The following ENPP6 variants were observed in gnomAD, a reference collection of about 807,000 sequenced individuals.
The protein encoded by ENPP6 is ectonucleotide pyrophosphatase/phosphodiesterase 6, also known as glycerophosphocholine cholinephosphodiesterase ENPP6.
Under a neutral mutation model 42.0 loss-of-function variants are expected in ENPP6, and 32 were observed. The observed-to-expected ratio is 0.76, with a 90% CI of 0.58 to 1.02. The LOEUF is 1.02. ENPP6 is among the 50% of genes least tolerant of loss of function. The probability of loss-of-function intolerance (pLI) is 0.00; values close to 1 mark genes in which losing one functional copy is unlikely to be tolerated. For synonymous variants in ENPP6, 213 were observed against 216.0 expected (o/e 0.99, Z 0.12); for missense variants, 552 against 566.8 (o/e 0.97, Z 0.27).
intron 1 of ENPP6, among the ~76,000 whole-genome samples, chr4:184,197,048 T>C (rs1431232712): frequency 6.6e-6 from 1 of 152,252 alleles, no homozygotes; most frequent in Non-Finnish European, 1.5e-5. Flanking sequence ...TTATAATACA[T>C]GTTGACACAG....
intron 1 of ENPP6, among the ~76,000 whole-genome samples, chr4:184,179,289 A>T (rs1732500991): frequency 6.6e-6 from 1 of 152,236 alleles, no homozygotes; most frequent in African/African-American, 2.4e-5. Flanking sequence ...GGGGCATTAT[A>T]TAATGGTAAA....
chr4:184,173,187 G>A (rs1344594610), intron 1 of ENPP6, among the ~76,000 whole-genome samples: 2 of 152,024 alleles, frequency 1.3e-5, no homozygotes, highest in African/African-American at 4.8e-5. Context: ...TTACAGGCAT[G>A]GACCACCGCG....
intron 5 of ENPP6, among the ~76,000 whole-genome samples, chr4:184,113,102 T>C (rs1736231033): frequency 6.6e-6 from 1 of 152,158 alleles, no homozygotes; most frequent in Non-Finnish European, 1.5e-5. Context: ...GAATGAACCC[T>C]GCAAACTGGA....
intron 6 of ENPP6, among the ~76,000 whole-genome samples, chr4:184,103,209 A>G (rs1736034498): frequency 6.6e-6 from 1 of 152,222 alleles, no homozygotes; most frequent in Non-Finnish European, 1.5e-5. Flanking sequence ...GCCGGCGCCC[A>G]TGGGATGCTG....
chr4:184,101,426 G>A (rs933544471), intron 6 of ENPP6, among the ~76,000 whole-genome samples: 16 of 151,726 alleles, frequency 1.1e-4, no homozygotes, highest in African/African-American at 3.9e-4. Context: ...AAAGAGGGTG[G>A]GGTCGCTCCA....
At chr4:184,112,947 A>G in intron 5 of ENPP6, 138 bp from the exon 6 acceptor site, 1 of 1,019,482 alleles carries the variant, frequency 9.8e-7, no homozygotes, top group Admixed American at 3.1e-5. Context: ...TTGAATATGT[A>G]AAAACAAAAA....
At chr4:184,170,475 A>G (rs1033471635) in intron 1 of ENPP6, among the ~76,000 whole-genome samples, 3 of 151,968 alleles carry the variant, frequency 2.0e-5, no homozygotes, top group African/African-American at 7.2e-5. Context: ...GCATTCAAAC[A>G]AAACCCATGC....
At chr4:184,113,914 T>TCTTC (rs1560981860) in intron 5 of ENPP6, among the ~76,000 whole-genome samples, 2 of 130,278 alleles carry the variant, frequency 1.5e-5, no homozygotes, top group African/African-American at 2.9e-5. Context: ...TTTCTTTCTT[T>TCTTC]CTTTCTTTCT....
chr4:184,122,486 T>A (rs116120756), intron 3 of ENPP6, among the ~76,000 whole-genome samples: 1 of 146,268 alleles, frequency 6.8e-6, no homozygotes, highest in Non-Finnish European at 1.5e-5. Flanking sequence ...GATGCATTTC[T>A]ATAGCTTCTC....
chr4:184,167,306 G>A (rs927811531), intron 1 of ENPP6, among the ~76,000 whole-genome samples: 1 of 152,148 alleles, frequency 6.6e-6, no homozygotes, highest in African/African-American at 2.4e-5. Flanking sequence ...AGTAGAGACA[G>A]CTTTCACCAT....
chr4:184,120,820 G>A (rs1032156559), intron 3 of ENPP6, among the ~76,000 whole-genome samples: 31 of 152,172 alleles, frequency 2.0e-4, no homozygotes, highest in African/African-American at 6.8e-4. Context: ...AAAGAGGCGC[G>A]TCTGGACTCC....
chr4:184,174,524 G>A (rs1331986637), intron 1 of ENPP6, among the ~76,000 whole-genome samples: 2 of 107,732 alleles, frequency 1.9e-5, no homozygotes. Context: ...TGTGCTGTGA[G>A]GGTTCCAGAA....
chr4:184,124,458 G>A (rs896709161), intron 2 of ENPP6, among the ~76,000 whole-genome samples, 186 bp from the exon 3 acceptor site: 6 of 152,336 alleles, frequency 3.9e-5, no homozygotes, highest in Admixed American at 1.3e-4. Flanking sequence ...AACCAGAGCA[G>A]AGGTTCTCAA....
At position 184,153,482 on chromosome 4, in the gene ENPP6, G is replaced by C. The variant is rs149077684; in HGVS notation, c.421+72C>G. The C allele has an allele frequency of 5.9e-5, 87 of 1,480,366 alleles. 1 individual carries two copies. In the African/African-American group the frequency reaches 1.0e-3, roughly 18 times the overall value. 91.7% of individuals were successfully genotyped at this position (1,480,366 alleles called of 1,614,324 possible). A position where few individuals can be genotyped will look rare whatever the true frequency, so the allele number is the denominator to read the frequency against. On this transcript the variant is annotated intron_variant, in intron 2 of 7. Coordinates refer to ENST00000296741, the MANE Select transcript of ENPP6 (RefSeq NM_153343.4). Reference sequence around the variant, plus strand: ...CAAACCACGGCTTGGTCTTCAAACAGTAACTTGACACCGACTGTCCTCAGA... The same window carrying C: ...CAAACCACGGCTTGGTCTTCAAACACTAACTTGACACCGACTGTCCTCAGA...
At chr4:184,128,383 G>A (rs1185628260) in intron 2 of ENPP6, among the ~76,000 whole-genome samples, 1 of 152,118 alleles carries the variant, frequency 6.6e-6, no homozygotes, top group East Asian at 1.9e-4. Context: ...GTTTCACCAT[G>A]ATGGCCAGGC....
At chr4:184,196,086 G>C (rs1391026927) in intron 1 of ENPP6, among the ~76,000 whole-genome samples, 1 of 152,226 alleles carries the variant, frequency 6.6e-6, no homozygotes, top group African/African-American at 2.4e-5. Context: ...TCATCCCAAA[G>C]CCCAGCTCTG....
intron 6 of ENPP6, among the ~76,000 whole-genome samples, chr4:184,107,333 T>C (rs770153291): frequency 2.0e-5 from 3 of 152,248 alleles, no homozygotes; most frequent in Non-Finnish European, 4.4e-5. Context: ...GTGCTTTACC[T>C]CTTTCTGTTT....
At chr4:184,134,819 C>T (rs1399053896) in intron 2 of ENPP6, among the ~76,000 whole-genome samples, 1 of 150,680 alleles carries the variant, frequency 6.6e-6, no homozygotes, top group East Asian at 1.9e-4. Flanking sequence ...TTTTGGTCTT[C>T]TTAGCTAATG....
chr4:184,192,131 C>A (rs1203035154), intron 1 of ENPP6, among the ~76,000 whole-genome samples: 5 of 152,102 alleles, frequency 3.3e-5, no homozygotes, highest in Non-Finnish European at 7.4e-5. Flanking sequence ...ATGTTCTTCC[C>A]AAATTTAATA....
Sources: gnomAD v4.1 joint callset for allele counts (sites outside exome capture counted in the v4.1 genomes callset) on GRCh38, gnomAD v4.1.1 for gene constraint, MANE v1.5 for transcripts, NCBI Gene and HGNC (gene_info 2026-07-23, HGNC 2026-07-21) for gene names.